ITGA9: variants seen among roughly 807,000 people sequenced by gnomAD.
The protein encoded by ITGA9 is integrin alpha-9.
A neutral mutation model predicts 127.8 loss-of-function variants in ITGA9; 56 were observed. That is an observed-to-expected ratio of 0.44 (90% CI 0.35 to 0.55). The LOEUF is 0.55. ITGA9 is among the 20% of genes least tolerant of loss of function. The pLI, the probability that ITGA9 is intolerant of heterozygous loss-of-function variation, is 0.00. For missense variants in ITGA9, 1,196 were observed against 1,347.1 expected, an observed-to-expected ratio of 0.89 and a Z score of 1.76; for synonymous variants, 508 against 514.5, an observed-to-expected ratio of 0.99 and a Z score of 0.17.
chr3:37,507,445 T>G (rs1698856982), intron 7 of ITGA9, among the ~76,000 whole-genome samples: 2 of 152,192 alleles, frequency 1.3e-5, no homozygotes, highest in African/African-American at 4.8e-5. Flanking sequence ...TTTTATAGTT[T>G]TTCCTTCAGA....
At chr3:37,548,065 G>A (rs1241962237) in intron 15 of ITGA9, among the ~76,000 whole-genome samples, 1 of 152,188 alleles carries the variant, frequency 6.6e-6, no homozygotes, top group African/African-American at 2.4e-5. Context: ...TGGAGGAACA[G>A]ATTTTGGCAA....
chr3:37,490,994 T>C (rs1206479731), intron 4 of ITGA9, among the ~76,000 whole-genome samples: 6 of 141,704 alleles, frequency 4.2e-5, no homozygotes, highest in African/African-American at 1.6e-4. Flanking sequence ...TTTTTTTTTT[T>C]GAGACCGAAT....
At chr3:37,538,653 A>G (rs77162103) in intron 14 of ITGA9, among the ~76,000 whole-genome samples, 8,101 of 152,224 alleles carry the variant, frequency 0.053, 274 homozygotes, top group East Asian at 0.094. Context: ...CTTCCCAGAC[A>G]TGTCCTCTGC....
intron 18 of ITGA9, among the ~76,000 whole-genome samples, chr3:37,690,124 A>G (rs955887934): frequency 3.3e-5 from 5 of 152,212 alleles, no homozygotes; most frequent in African/African-American, 1.2e-4. Flanking sequence ...TGAGCCTCCA[A>G]AGGATCTGAT....
chr3:37,693,025 A>G (rs189868887), intron 18 of ITGA9, among the ~76,000 whole-genome samples: 33 of 152,314 alleles, frequency 2.2e-4, no homozygotes, highest in Admixed American at 2.1e-3. Context: ...CTGCTGGAAG[A>G]AAGACAAGTG....
At chr3:37,453,557 G>C (rs1698225469) in intron 1 of ITGA9, among the ~76,000 whole-genome samples, 1 of 152,142 alleles carries the variant, frequency 6.6e-6, no homozygotes, top group African/African-American at 2.4e-5. Flanking sequence ...GTTAGGCTGC[G>C]GGAAGTTCCC....
intron 18 of ITGA9, among the ~76,000 whole-genome samples, chr3:37,687,634 C>T (rs1465419031): frequency 6.6e-6 from 1 of 152,124 alleles, no homozygotes; most frequent in Non-Finnish European, 1.5e-5. Context: ...AACAAAGAAA[C>T]CAGTTTCTAC....
intron 16 of ITGA9, among the ~76,000 whole-genome samples, chr3:37,643,251 T>A (rs1482155805): frequency 6.6e-6 from 1 of 152,156 alleles, no homozygotes; most frequent in African/African-American, 2.4e-5. Flanking sequence ...AGCTTCTGGG[T>A]AAATACTCTT....
Position 37,812,057 on chromosome 3 carries a change from A to G in ITGA9, c.3010-6834A>G, listed in dbSNP as rs190955984. 3.7e-3 allele frequency among the ~76,000 whole-genome samples: 567 copies of G among 152,286 alleles called. 5 individuals carry two copies. Among genetic ancestry groups the G allele is most frequent in the Admixed American group, 7.5e-3 (115 of 15,288 alleles). On this transcript the variant is annotated intron_variant, in intron 27 of 27. Transcript: ENST00000264741. ...CACTGGGTTATCACCTTCCCTTCAA[A>G]CTGGGCTGGGAGGGCATCCTTGCTT...
intron 18 of ITGA9, among the ~76,000 whole-genome samples, chr3:37,701,544 C>T (rs1218189463): frequency 6.6e-6 from 1 of 152,194 alleles, no homozygotes. Flanking sequence ...GGCCTTTATC[C>T]ACCTGCTCCC....
chr3:37,717,486 T>C (rs1361944348), intron 18 of ITGA9, among the ~76,000 whole-genome samples: 2 of 152,152 alleles, frequency 1.3e-5, no homozygotes, highest in Non-Finnish European at 2.9e-5. Context: ...TTCCACAGGC[T>C]TCACAGGAAG....
In ITGA9 at chr3:37,713,703, G is replaced by A. The variant is rs140837670; in HGVS notation, c.2068-19009G>A. 2.3e-3 allele frequency among the ~76,000 whole-genome samples: 350 copies of A among 152,312 alleles called. 4 individuals are homozygous for A. Among genetic ancestry groups the A allele is most frequent in the African/African-American group, 8.0e-3 (333 of 41,578 alleles). On this transcript the variant is annotated intron_variant, in intron 18 of 27. Coordinates refer to ENST00000264741, the MANE Select transcript of ITGA9 (RefSeq NM_002207.3). ...TTGCCTTTTGTAAAAAGCCTGTCGA[G>A]CTTTCTTCACAAGGGAGCTGCTGGT... is the stretch of plus-strand genomic sequence containing the variant.
intron 15 of ITGA9, among the ~76,000 whole-genome samples, chr3:37,598,594 T>A (rs1476634467): frequency 6.6e-6 from 1 of 151,924 alleles, no homozygotes; most frequent in Non-Finnish European, 1.5e-5. Context: ...GTGAGAGAGG[T>A]CAAGATTGGC....
chr3:37,766,906 C>G (rs544840768), intron 23 of ITGA9, among the ~76,000 whole-genome samples: 2 of 152,388 alleles, frequency 1.3e-5, no homozygotes, highest in Admixed American at 1.3e-4. Context: ...TCTCAGACTA[C>G]TTCCCATCTG....
intron 15 of ITGA9, among the ~76,000 whole-genome samples, chr3:37,601,151 C>A (rs1699919132): frequency 6.6e-6 from 1 of 152,182 alleles, no homozygotes; most frequent in Admixed American, 6.5e-5. Flanking sequence ...TCCTTTCCCT[C>A]GTACCTCCTA....
chr3:37,618,748 G>A (rs1298909469), intron 15 of ITGA9, among the ~76,000 whole-genome samples: 1 of 152,220 alleles, frequency 6.6e-6, no homozygotes, highest in African/African-American at 2.4e-5. Context: ...CGTGGGCGTA[G>A]GACTCTCCGA....
intron 15 of ITGA9, among the ~76,000 whole-genome samples, chr3:37,552,607 G>A (rs1276796461): frequency 6.6e-6 from 1 of 152,138 alleles, no homozygotes; most frequent in East Asian, 1.9e-4. Context: ...TATTGGACTT[G>A]AGCAAACTTT....
At chr3:37,673,407 G>A (rs553315349) in intron 17 of ITGA9, among the ~76,000 whole-genome samples, 1 of 152,170 alleles carries the variant, frequency 6.6e-6, no homozygotes, top group Non-Finnish European at 1.5e-5. Context: ...TCAGCCAGTG[G>A]CATCACTGGT....
Position 37,475,368 on chromosome 3 carries a change from C to A in ITGA9, c.420+1908C>A, listed in dbSNP as rs923791494. Among the ~76,000 whole-genome samples the A allele has an allele frequency of 5.3e-5, 8 of 152,222 alleles. No individual in the cohort carries two copies. The South Asian group carries it at 1.7e-3, about 32-fold the overall frequency. On this transcript the variant is annotated intron_variant, in intron 3 of 27. Transcript: ENST00000264741. ...GTTTGCTCCTGTGAAAATATTTCCT[C>A]TCTGCAAGGAAGGATAACCTCTCTG... is the stretch of plus-strand genomic sequence containing the variant.
Sources: allele counts gnomAD v4.1 joint callset (sites outside exome capture counted in the v4.1 genomes callset), GRCh38; gene constraint gnomAD v4.1.1; transcripts MANE v1.5; gene names NCBI Gene and HGNC (gene_info 2026-07-23, HGNC 2026-07-21).